Variants in FAT2 observed in about 807,000 individuals in gnomAD.
FAT2 encodes the protein protocadherin Fat 2.
Under a neutral mutation model 295.3 loss-of-function variants are expected in FAT2, and 150 were observed. The ratio of observed to expected loss-of-function variants is 0.51; its 90% CI spans 0.44 to 0.58. The LOEUF is 0.58. FAT2 is among the 20% of genes least tolerant of loss of function. The pLI is 0.00. For synonymous variants in FAT2, 2,026 were observed against 2,150.3 expected, an observed-to-expected ratio of 0.94 and a Z score of 1.60; for missense variants, 4,868 against 5,442.7, an observed-to-expected ratio of 0.89 and a Z score of 3.32.
chr5:151,578,071 T>G (rs1258755134), intron 1 of FAT2, among the ~76,000 whole-genome samples: 2 of 150,324 alleles, frequency 1.3e-5, no homozygotes, highest in African/African-American at 4.9e-5. Flanking sequence ...GAATACTGCC[T>G]GGTATTTATT....
intron 1 of FAT2, among the ~76,000 whole-genome samples, chr5:151,569,240 T>C (rs1157315668): frequency 1.3e-5 from 2 of 152,026 alleles, no homozygotes; most frequent in Admixed American, 1.3e-4. Flanking sequence ...AGGAATGAGG[T>C]TTAATGGACT....
Position 151,537,856 on chromosome 5 carries a change from C to T in FAT2, c.9130G>A (p.Ala3044Thr), listed in dbSNP as rs762315656. Residue 3044 changes from alanine (A) to threonine (T), a missense_variant, in exon 12 of 24, where the codon GCT (alanine) becomes ACT (threonine). Ala to Thr is a moderately conservative substitution (Grantham distance 58). Around this residue, in one of 5 missense-constraint regions of FAT2, gnomAD observed 1,046 missense variants for 1,210.1 expected, o/e 0.86. Transcript: ENST00000261800. Reference sequence around the variant, plus strand: ...CCATGCAGAGAATATGTGATCTGAGCATTGGTATCAGTGTCCAAGTCTGTG... The same window carrying T: ...CCATGCAGAGAATATGTGATCTGAGTATTGGTATCAGTGTCCAAGTCTGTG... ...SATDLDTDTN[A>T]QITYSLHGPG... 29 of 1,614,062 alleles carry T rather than the reference C, an allele frequency of 1.8e-5. No homozygotes were observed. The highest frequency in any genetic ancestry group is 2.2e-5 in the Non-Finnish European group (26 of 1,180,022).
rs756296108 is a variant in FAT2, at chr5:151,531,798, C to A, written c.9600G>T (p.Thr3200=). 1.2e-6 allele frequency: 2 copies of A among 1,613,102 alleles called. No individual in the cohort carries two copies. The highest frequency in any genetic ancestry group is 1.6e-4 in the Middle Eastern group (1 of 6,062). The change falls in exon 14 of 24, where the codon ACG becomes ACT. Residue 3200 remains threonine, a synonymous_variant. Coordinates refer to ENST00000261800, the MANE Select transcript of FAT2 (RefSeq NM_001447.3). This position sits in a 1 kb window ranked among gnomAD's most constrained non-coding sequence, Gnocchi z 5.7. The part of the protein sequence containing the change: ...SDLGTPIPLS[T]LGTVTVSVVG... Reference sequence around the variant, plus strand: ...CCACCGAGACTGTGACGGTGCCCAGCGTGGACAGCGGTATTGGGGTGCCCA... The same window carrying A: ...CCACCGAGACTGTGACGGTGCCCAGAGTGGACAGCGGTATTGGGGTGCCCA...
In FAT2 at chr5:151,512,981, C is replaced by G. The variant is rs944699585; in HGVS notation, c.11464-375G>C. Among the ~76,000 whole-genome samples, 1 of 152,216 alleles carries G rather than the reference C, an allele frequency of 6.6e-6. No homozygotes were observed. On this transcript the variant is annotated intron_variant, in intron 20 of 23. Coordinates refer to ENST00000261800, the MANE Select transcript of FAT2 (RefSeq NM_001447.3). This position sits in a 1 kb window ranked among gnomAD's most constrained non-coding sequence, Gnocchi z 4.1. ...CGATTTGAAAAACCTGTCTCCCACT[C>G]CCACTTCCTTATTCAACAGCTTAGC...
Position 151,507,418 on chromosome 5 carries a change from C to G in FAT2, c.12253G>C (p.Asp4085His), listed in dbSNP as rs2127564593. ...ACACCAACACTCCTGGCCAGGAGGT[C>G]TGGGTCCTCCATGGCCACAGGCTTG... ...SHKPVAMEDP[D>H]LLARSVGVDT... The change falls in exon 23 of 24, where the codon GAC (aspartate) becomes CAC (histidine). Residue 4085 changes from aspartate (D) to histidine (H), a missense_variant. Transcript: ENST00000261800. 1 of 1,614,198 alleles carries G rather than the reference C, an allele frequency of 6.2e-7. No homozygotes were observed. Among genetic ancestry groups the G allele is most frequent in the Non-Finnish European group, 8.5e-7 (1 of 1,180,034 alleles).
In FAT2 at chr5:151,567,046, G is replaced by A. The variant is rs773016101; in HGVS notation, c.1886C>T (p.Thr629Ile). ...ISLKRPFINL[T>I]AGQPTSYSLK... ...GGAATAACTGGTGGGTTGACCAGCA[G>A]TAAGATTGATAAAAGGGCGTTTGAG... The change falls in exon 2 of 24, where the codon ACT (threonine) becomes ATT (isoleucine). Residue 629 changes from threonine to isoleucine, a missense_variant. Physicochemically the swap from Thr to Ile is moderately conservative, Grantham distance 89. Around this residue, in one of 5 missense-constraint regions of FAT2, gnomAD observed 3,297 missense variants for 3,669.4 expected, o/e 0.90. Transcript: ENST00000261800. 6 of 1,614,062 alleles carry A rather than the reference G, an allele frequency of 3.7e-6. No individual in the cohort carries two copies. In the Admixed American group the frequency reaches 1.0e-4, roughly 27 times the overall value.
At chr5:151,538,227 T>C (rs1755688099) in intron 11 of FAT2, among the ~76,000 whole-genome samples, 1 of 151,962 alleles carries the variant, frequency 6.6e-6, no homozygotes, top group African/African-American at 2.4e-5. Flanking sequence ...AAAGAGAGAA[T>C]GGAGAAGTTC....
chr5:151,553,217 G>A lies in FAT2; in HGVS notation c.4116C>T (p.Ser1372=), dbSNP rs144014802. Residue 1372 remains serine, a synonymous_variant, in exon 6 of 24, where the codon AGC becomes AGT. Transcript: ENST00000261800. Reference sequence around the variant, plus strand: ...AGAAGAGTCCGGGTCTGCCCTCTACGCTGATGACCCCCACCATGTGGTTCA... The same window carrying A: ...AGAAGAGTCCGGGTCTGCCCTCTACACTGATGACCCCCACCATGTGGTTCA... The part of the protein sequence containing the change: ...DPVNHMVGVI[S]VEGRPGLFWF... 199 of 1,614,236 alleles carry A rather than the reference G, an allele frequency of 1.2e-4. 2 individuals carry two copies. The African/African-American group carries it at 2.2e-3, about 18-fold the overall frequency.
rs1756640837 is a variant in FAT2 at position 151,546,433 on chromosome 5, G to T, written c.4790-96C>A. 8 of 860,864 alleles carry T rather than the reference G, an allele frequency of 9.3e-6. No individual in the cohort carries two copies. In the South Asian group the frequency reaches 1.4e-4, roughly 15 times the overall value. 53.3% of individuals were successfully genotyped at this position (860,864 alleles called of 1,614,324 possible). ...TAAAGGGTCTATCACACAAAACCTG[G>T]ACAGAGCAAAATCTGCATATAGTGT... On this transcript the variant is annotated intron_variant, in intron 9 of 23. Transcript: ENST00000261800.
At chr5:151,550,181 C>G (rs377008980) in intron 8 of FAT2, among the ~76,000 whole-genome samples, 1 of 152,092 alleles carries the variant, frequency 6.6e-6, no homozygotes, top group African/African-American at 2.4e-5. Flanking sequence ...AGGCACATGG[C>G]CCAGAGAGTG....
intron 3 of FAT2, among the ~76,000 whole-genome samples, chr5:151,563,010 C>G (rs1428568028): frequency 6.6e-6 from 1 of 152,154 alleles, no homozygotes; most frequent in Non-Finnish European, 1.5e-5. Flanking sequence ...AATGGGCAAC[C>G]TGCTTAGTTT....
At position 151,512,460 on chromosome 5, in the gene FAT2, G is replaced by A. The variant is rs2127570743; in HGVS notation, c.11610C>T (p.Ser3870=). The stretch of plus-strand genomic sequence containing the variant: ...GGACCACAAGGGAGGTGTTGCCCAT[G>A]CTGTCAACCATCAGGCGAATGGAAG... The part of the protein sequence containing the change: ...MDASIRLMVD[S]MGNTSLVVPE... The change falls in exon 21 of 24, where the codon AGC becomes AGT. Residue 3870 remains serine (S), a synonymous_variant. Coordinates refer to ENST00000261800, the MANE Select transcript of FAT2 (RefSeq NM_001447.3). This position sits in a 1 kb window ranked among gnomAD's most constrained non-coding sequence, Gnocchi z 4.1. The A allele has an allele frequency of 1.2e-6, 2 of 1,614,236 alleles. No homozygotes were observed. The highest frequency in any genetic ancestry group is 1.1e-5 in the South Asian group (1 of 91,082).
Position 151,566,598 on chromosome 5 carries a change from C to G in FAT2, c.2334G>C (p.Leu778Phe). ...ETGLLTVAAP[L>F]DYEATNFYIL... The stretch of plus-strand genomic sequence containing the variant: ...TGTAGAAATTGGTGGCTTCATAGTC[C>G]AAGGGAGCAGCTACAGTGAGCAGCC... The change falls in exon 2 of 24, where the codon TTG becomes TTC. Residue 778 changes from leucine (L) to phenylalanine (F), a missense_variant. Physicochemically the swap from Leu to Phe is conservative, Grantham distance 22 (BLOSUM62 0). This residue lies in a region of FAT2 where 3,297 missense variants were observed against 3,669.4 expected (regional missense o/e 0.90). Coordinates refer to ENST00000261800, the MANE Select transcript of FAT2 (RefSeq NM_001447.3). The G allele has an allele frequency of 6.2e-7, 1 of 1,614,090 alleles. No homozygotes were observed.
chr5:151,583,600 CTATT>C (rs1427870125), intron 1 of FAT2, among the ~76,000 whole-genome samples: 2 of 152,134 alleles, frequency 1.3e-5, no homozygotes, highest in African/African-American at 4.8e-5. Context: ...TAGTAATATT[CTATT>C]TATTAATCTG....
At chr5:151,593,086 C>T (rs187802629), upstream of FAT2, among the ~76,000 whole-genome samples, 64 of 152,300 alleles carry the variant, frequency 4.2e-4, no homozygotes, top group East Asian at 5.6e-3. Context: ...GCCTCCGCCC[C>T]GGATGAGAGG....
chr5:151,515,533 C>T (rs1171379428), intron 20 of FAT2, among the ~76,000 whole-genome samples: 2 of 152,202 alleles, frequency 1.3e-5, no homozygotes, highest in Non-Finnish European at 2.9e-5. Context: ...CTGATCTCCC[C>T]TCCCCAAACC....
rs779311911 is a variant in FAT2 at position 151,543,546 on chromosome 5, C to T, written c.7581G>A (p.Glu2527=). The change falls in exon 10 of 24, where the codon GAG becomes GAA. Residue 2527 remains glutamate, a synonymous_variant. Transcript: ENST00000261800. ...DYTIINKLAS[E]KFSINPNGQI... is the part of the protein sequence containing the mutation. ...GGCCATTGGGGTTTATGGAGAACTTCTCACTTGCTAGTTTATTGATGATAG... is the reference window on the plus strand; with the variant it reads ...GGCCATTGGGGTTTATGGAGAACTTTTCACTTGCTAGTTTATTGATGATAG... 4 of 1,614,206 alleles carry T rather than the reference C, an allele frequency of 2.5e-6. No individual in the cohort carries two copies. Among genetic ancestry groups the T allele is most frequent in the Middle Eastern group, 3.3e-4 (2 of 6,062 alleles).
At position 151,566,264 on chromosome 5, in the gene FAT2, T is replaced by A. The variant is rs377700581; in HGVS notation, c.2668A>T (p.Ile890Leu). Residue 890 changes from isoleucine (I) to leucine (L), a missense_variant, in exon 2 of 24, where the codon ATA becomes TTA. Physicochemically the swap from Ile to Leu is conservative, Grantham distance 5. Around this residue, in one of 5 missense-constraint regions of FAT2, gnomAD observed 3,297 missense variants for 3,669.4 expected, o/e 0.90. Coordinates refer to ENST00000261800, the MANE Select transcript of FAT2 (RefSeq NM_001447.3). The part of the protein sequence containing the change: ...HLDRESEPRY[I>L]LKVEARDQPS... ...TGATCCCTGGCCTCCACCTTGAGTA[T>A]GTACCGAGGCTCTGATTCGCGGTCC... 6.2e-7 allele frequency: 1 copy of A among 1,614,178 alleles called. No homozygotes were observed. The highest frequency in any genetic ancestry group is 8.5e-7 in the Non-Finnish European group (1 of 1,180,020).
intron 14 of FAT2, 23 bp from the exon 15 acceptor site, chr5:151,529,415 C>T: frequency 6.2e-7 from 1 of 1,608,734 alleles, no homozygotes; most frequent in Admixed American, 1.7e-5. Context: ...GAGGTGACAG[C>T]AGCAATGAGG....
Sources: allele counts gnomAD v4.1 joint callset (sites outside exome capture counted in the v4.1 genomes callset), GRCh38; gene constraint gnomAD v4.1.1; regional missense constraint gnomAD v4.1.1; non-coding constraint Gnocchi (gnomAD v3.1); transcripts MANE v1.5; gene names NCBI Gene and HGNC (gene_info 2026-07-23, HGNC 2026-07-21).